PRELID3A: variants seen among roughly 807,000 people sequenced by gnomAD.
PRELID3A encodes the protein PRELI domain containing protein 3A.
Under a neutral mutation model 23.0 loss-of-function variants are expected in PRELID3A, and 27 were observed. That is an observed-to-expected ratio of 1.17 (90% CI 0.87 to 1.62). The LOEUF is 1.62. Among genes scored for constraint, PRELID3A ranks in the 40% most tolerant of loss-of-function variants. PRELID3A has a pLI of 0.00. For missense variants in PRELID3A, 231 were observed against 231.4 expected, an observed-to-expected ratio of 1.00 and a Z score of 0.01; for synonymous variants, 87 against 86.4, an observed-to-expected ratio of 1.01 and a Z score of -0.04.
intron 1 of PRELID3A, among the ~76,000 whole-genome samples, chr18:12,409,333 A>AT (rs1177171933): frequency 6.6e-6 from 1 of 151,560 alleles, no homozygotes; most frequent in Admixed American, 6.6e-5. Flanking sequence ...CGCCCGGCTA[A>AT]TTTTTGTATT....
rs1052713528 is a variant in PRELID3A, at chr18:12,407,941, C to G, written c.-35C>G. ...AGCCGCGCGGCCCGAAGCACCCGGC[C>G]CGGATCGCAGAGCCCGCGCCCTGCG... On this transcript the variant is annotated 5_prime_UTR_variant, in exon 1 of 7. Transcript: ENST00000440960. 5 of 1,290,200 alleles carry G rather than the reference C, an allele frequency of 3.9e-6. No homozygotes were observed. Among genetic ancestry groups the G allele is most frequent in the Non-Finnish European group, 4.9e-6 (5 of 1,022,056 alleles). 79.9% of individuals were successfully genotyped at this position (1,290,200 alleles called of 1,614,324 possible).
At chr18:12,412,518 G>T (rs1167502046) in intron 1 of PRELID3A, among the ~76,000 whole-genome samples, 1 of 152,214 alleles carries the variant, frequency 6.6e-6, no homozygotes, top group Non-Finnish European at 1.5e-5. Flanking sequence ...ATCCATATGA[G>T]ATGTCTATAG....
chr18:12,426,245 T>C (rs2030358577), intron 3 of PRELID3A, among the ~76,000 whole-genome samples: 1 of 144,766 alleles, frequency 6.9e-6, no homozygotes, highest in Admixed American at 7.0e-5. Flanking sequence ...CTCAAAAAAA[T>C]AAGAGAGAAA....
intron 1 of PRELID3A, among the ~76,000 whole-genome samples, chr18:12,408,261 G>A (rs1318800485): frequency 6.6e-6 from 1 of 151,654 alleles, no homozygotes; most frequent in Non-Finnish European, 1.5e-5. Context: ...CTGGCTGCAG[G>A]CACAGAGGCC....
Position 12,427,090 on chromosome 18 carries a change from C to T in PRELID3A, c.341C>T (p.Pro114Leu). 4 of 1,613,398 alleles carry T rather than the reference C, an allele frequency of 2.5e-6. No homozygotes were observed. The highest frequency in any genetic ancestry group is 3.4e-6 in the Non-Finnish European group (4 of 1,179,396). ...VSVNERLVYT[P>L]HPENPEMTVL... is the part of the protein sequence containing the mutation. ...GTTAATGAGAGGTTGGTGTACACAC[C>T]TCATCCAGAGAACCCAGAAATGTGA... The change falls in exon 4 of 7, where the codon CCT becomes CTT. Residue 114 changes from proline to leucine, a missense_variant. By Grantham distance (98) the Pro-to-Leu change is moderately conservative (BLOSUM62 -3). Transcript: ENST00000440960.
intron 1 of PRELID3A, among the ~76,000 whole-genome samples, chr18:12,416,562 C>T (rs1291344350): frequency 6.6e-6 from 1 of 152,198 alleles, no homozygotes; most frequent in Non-Finnish European, 1.5e-5. Context: ...AGCAGTCTTC[C>T]TGCCTCAGCC....
intron 1 of PRELID3A, among the ~76,000 whole-genome samples, chr18:12,410,213 C>T (rs991837769): frequency 1.3e-5 from 2 of 152,216 alleles, no homozygotes; most frequent in East Asian, 1.9e-4. Context: ...GGCACCCCGC[C>T]GGGGCCCGGC....
At chr18:12,411,613 C>T (rs1208212118) in intron 1 of PRELID3A, among the ~76,000 whole-genome samples, 2 of 152,200 alleles carry the variant, frequency 1.3e-5, no homozygotes, top group Non-Finnish European at 2.9e-5. Context: ...ACCTTTGATT[C>T]TGACAGCTGC....
chr18:12,418,066 T>C (rs1235408639), intron 1 of PRELID3A, among the ~76,000 whole-genome samples: 1 of 152,232 alleles, frequency 6.6e-6, no homozygotes, highest in Non-Finnish European at 1.5e-5. Context: ...GAGTGTTTGA[T>C]GAGGGTAAAG....
intron 6 of PRELID3A, among the ~76,000 whole-genome samples, chr18:12,430,913 CTA>C (rs551978658): frequency 5.5e-4 from 80 of 144,336 alleles, no homozygotes; most frequent in African/African-American, 1.7e-3. Flanking sequence ...GTGCATGTGT[CTA>C]TGATGTGCAT....
At chr18:12,419,694 C>T (rs2030083441) in intron 1 of PRELID3A, among the ~76,000 whole-genome samples, 1 of 151,758 alleles carries the variant, frequency 6.6e-6, no homozygotes, top group African/African-American at 2.4e-5. Context: ...AATCTCAGCA[C>T]TTTGGGAGGC....
chr18:12,412,467 C>T (rs1249354045), intron 1 of PRELID3A, among the ~76,000 whole-genome samples: 1 of 152,224 alleles, frequency 6.6e-6, no homozygotes, highest in Non-Finnish European at 1.5e-5. Context: ...GGTTTACAGG[C>T]GTGAGCCACT....
At chr18:12,413,300 A>G (rs1909977376) in intron 1 of PRELID3A, among the ~76,000 whole-genome samples, 1 of 152,154 alleles carries the variant, frequency 6.6e-6, no homozygotes, top group South Asian at 2.1e-4. Flanking sequence ...AAAATTAGCC[A>G]GGTGTGGTGG....
intron 3 of PRELID3A, among the ~76,000 whole-genome samples, chr18:12,425,421 C>T (rs67647610): frequency 0.15 from 21,057 of 143,526 alleles, 2,000 homozygotes; most frequent in Middle Eastern, 0.25. Context: ...GAGATCAAGA[C>T]CATCCTGGCT....
At chr18:12,430,525 GGT>G (rs1277720021) in intron 6 of PRELID3A, among the ~76,000 whole-genome samples, 8 of 148,516 alleles carry the variant, frequency 5.4e-5, no homozygotes, top group East Asian at 2.0e-4. Flanking sequence ...GCGTGTGTGG[GGT>G]GTGTGTGATG....
chr18:12,420,573 C>T, intron 2 of PRELID3A, 80 bp downstream of exon 2: 1 of 1,378,172 alleles, frequency 7.3e-7, no homozygotes, highest in Non-Finnish European at 9.5e-7. Flanking sequence ...GTCCCTCCTC[C>T]CCTCATCAGT....
intron 6 of PRELID3A, 150 bp from the exon 7 acceptor site, chr18:12,431,000 G>A (rs1043979567): frequency 6.6e-6 from 1 of 152,026 alleles, no homozygotes; most frequent in African/African-American, 2.4e-5. Context: ...ATGTGTATGT[G>A]TGATGTGTAT....
chr18:12,426,311 T>C (rs1466491922), intron 3 of PRELID3A, among the ~76,000 whole-genome samples: 1 of 150,998 alleles, frequency 6.6e-6, no homozygotes, highest in South Asian at 2.1e-4. Context: ...TCCCAGCACT[T>C]TGGGAGGCCA....
At chr18:12,413,655 T>C in intron 1 of PRELID3A, among the ~76,000 whole-genome samples, 1 of 152,160 alleles carries the variant, frequency 6.6e-6, no homozygotes. Flanking sequence ...ATGATCTCAG[T>C]TAACTGCAAC....
Sources: gnomAD v4.1 joint callset for allele counts (sites outside exome capture counted in the v4.1 genomes callset) on GRCh38, gnomAD v4.1.1 for gene constraint, MANE v1.5 for transcripts, NCBI Gene and HGNC (gene_info 2026-07-23, HGNC 2026-07-21) for gene names.